Variants in RORA observed in about 807,000 individuals in gnomAD.
RORA encodes nuclear receptor ROR-alpha.
RORA carries 7 observed loss-of-function variants against 69.5 expected under a neutral mutation model. The ratio of observed to expected loss-of-function variants is 0.10; its 90% confidence interval spans 0.06 to 0.19. RORA has a LOEUF of 0.19. RORA is among the 10% of genes least tolerant of loss of function. RORA has a pLI of 1.00. For missense variants in RORA, 457 were observed against 663.0 expected, an observed-to-expected ratio of 0.69 and a Z score of 3.41; for synonymous variants, 261 against 240.8, an observed-to-expected ratio of 1.08 and a Z score of -0.78.
At chr15:60,822,778 T>A (rs2072908646) in intron 1 of RORA, among the ~76,000 whole-genome samples, 1 of 152,114 alleles carries the variant, frequency 6.6e-6, no homozygotes, top group South Asian at 2.1e-4. Context: ...GCTAACAGAA[T>A]CTCTGGGAGT....
At chr15:60,927,705 T>C (rs1892257377) in intron 1 of RORA, among the ~76,000 whole-genome samples, 1 of 151,918 alleles carries the variant, frequency 6.6e-6, no homozygotes, top group African/African-American at 2.4e-5. Context: ...ACCTGAGAGG[T>C]GGAGGTTGCA....
At chr15:60,983,345 C>T (rs952619176) in intron 1 of RORA, among the ~76,000 whole-genome samples, 3 of 152,196 alleles carry the variant, frequency 2.0e-5, no homozygotes, top group African/African-American at 7.2e-5. Flanking sequence ...ATAGCAGGTG[C>T]TGAAAGTATC....
rs28714996 is a variant in RORA at position 61,137,615 on chromosome 15, C to A, written c.166+91438G>T. ...GGGCCGTTCCTAACACAGATGTTCT[C>A]CAGAGCCACAAACACACCTCCTCTT... On this transcript the variant is annotated intron_variant, in intron 1 of 10. Transcript: ENST00000335670. Among the ~76,000 whole-genome samples the A allele has an allele frequency of 1.8e-3, 268 of 152,316 alleles. 1 individual carries two copies. The highest frequency in any genetic ancestry group is 5.9e-3 in the African/African-American group (246 of 41,574).
chr15:60,740,580 G>A (rs2071562573), intron 1 of RORA, among the ~76,000 whole-genome samples: 1 of 152,116 alleles, frequency 6.6e-6, no homozygotes, highest in Non-Finnish European at 1.5e-5. Flanking sequence ...GAGTGTGCAT[G>A]CCAGAAATGA....
At chr15:60,922,407 G>A (rs10152583) in intron 1 of RORA, among the ~76,000 whole-genome samples, 47,275 of 151,910 alleles carry the variant, frequency 0.31, 7,905 homozygotes, top group Non-Finnish European at 0.38. Context: ...AGAGTGGGGG[G>A]AAGGGGTATG....
intron 1 of RORA, among the ~76,000 whole-genome samples, chr15:61,123,763 G>C (rs958696218): frequency 4.6e-4 from 69 of 148,392 alleles, no homozygotes; most frequent in African/African-American, 1.5e-3. Flanking sequence ...AGAGGCCTAA[G>C]CCAGATTTCC....
intron 1 of RORA, among the ~76,000 whole-genome samples, chr15:61,170,422 C>A (rs1398949832): frequency 6.6e-6 from 1 of 152,164 alleles, no homozygotes; most frequent in African/African-American, 2.4e-5. Flanking sequence ...AAATCTCCTT[C>A]TTTCACTCTG....
chr15:60,707,031 T>C (rs1023251856), intron 1 of RORA, among the ~76,000 whole-genome samples: 2 of 152,216 alleles, frequency 1.3e-5, no homozygotes, highest in Non-Finnish European at 2.9e-5. Context: ...TCACTTGTTG[T>C]GCAAATGGAG....
intron 1 of RORA, among the ~76,000 whole-genome samples, chr15:60,729,486 C>G (rs1429233288): frequency 1.3e-5 from 2 of 152,182 alleles, no homozygotes; most frequent in Non-Finnish European, 2.9e-5. Flanking sequence ...ATTTATGTAC[C>G]TGAGCCTCCA....
At chr15:60,563,214 A>T (rs910398827) in intron 2 of RORA, among the ~76,000 whole-genome samples, 1 of 152,232 alleles carries the variant, frequency 6.6e-6, no homozygotes, top group African/African-American at 2.4e-5. Flanking sequence ...ATATTTGCTT[A>T]GCATCCACTA....
chr15:60,806,335 T>C (rs537607849), intron 1 of RORA, among the ~76,000 whole-genome samples: 3 of 152,316 alleles, frequency 2.0e-5, no homozygotes, highest in African/African-American at 4.8e-5. Flanking sequence ...TAAGTTTTTC[T>C]CTGTATTAAG....
rs554969773 is a variant in RORA, at chr15:61,200,921, A to G, written c.166+28132T>C. On this transcript the variant is annotated intron_variant, in intron 1 of 10. Coordinates refer to ENST00000335670, the MANE Select transcript of RORA (RefSeq NM_134261.3). The stretch of plus-strand genomic sequence containing the variant: ...CTGAATTAAATTGACGGTCCCAGGG[A>G]AAAAAAAATGCAAAGTGTGTTTTGA... 3.3e-5 allele frequency among the ~76,000 whole-genome samples: 5 copies of G among 151,648 alleles called. No individual in the cohort carries two copies. The East Asian group carries it at 5.8e-4, about 18-fold the overall frequency.
intron 1 of RORA, among the ~76,000 whole-genome samples, chr15:61,171,777 T>G (rs1276275488): frequency 1.3e-5 from 2 of 152,208 alleles, no homozygotes; most frequent in African/African-American, 4.8e-5. Flanking sequence ...CCCTGTATCT[T>G]CAGCTCAGCC....
At chr15:60,715,656 C>T (rs754334554) in intron 1 of RORA, among the ~76,000 whole-genome samples, 10 of 152,160 alleles carry the variant, frequency 6.6e-5, no homozygotes, top group Non-Finnish European at 1.2e-4. Context: ...AATTGGGGTT[C>T]CTTTAGCTTT....
At chr15:60,613,696 C>CTGTGTG (rs66616801) in intron 2 of RORA, among the ~76,000 whole-genome samples, 2,871 of 125,302 alleles carry the variant, frequency 0.023, 63 homozygotes, top group Middle Eastern at 0.033. Context: ...AATTTGATAT[C>CTGTGTG]TGTGTGTGTG....
intron 1 of RORA, among the ~76,000 whole-genome samples, chr15:60,709,031 C>T (rs1377288987): frequency 6.6e-6 from 1 of 152,170 alleles, no homozygotes; most frequent in Non-Finnish European, 1.5e-5. Flanking sequence ...AGCTCCTGAG[C>T]CCATGAGCAT....
chr15:61,084,273 T>G (rs1208958949), intron 1 of RORA, among the ~76,000 whole-genome samples: 1 of 152,216 alleles, frequency 6.6e-6, no homozygotes, highest in East Asian at 1.9e-4. Flanking sequence ...TTAACCATGC[T>G]TGATGAGAAG....
At chr15:60,942,112 G>A (rs1347881868) in intron 1 of RORA, among the ~76,000 whole-genome samples, 1 of 151,438 alleles carries the variant, frequency 6.6e-6, no homozygotes, top group Non-Finnish European at 1.5e-5. Flanking sequence ...TTTTTCATGT[G>A]ATAGATCTGG....
At chr15:61,142,641 A>G (rs1469062466) in intron 1 of RORA, among the ~76,000 whole-genome samples, 1 of 152,242 alleles carries the variant, frequency 6.6e-6, no homozygotes, top group East Asian at 1.9e-4. Context: ...CACCAGTGCA[A>G]TAATAGAATA....
Sources: allele counts gnomAD v4.1 joint callset (sites outside exome capture counted in the v4.1 genomes callset), GRCh38; gene constraint gnomAD v4.1.1; transcripts MANE v1.5; gene names NCBI Gene and HGNC (gene_info 2026-07-23, HGNC 2026-07-21).